GTF2I: variants seen among roughly 807,000 people sequenced by gnomAD.
GTF2I encodes general transcription factor II-I.
In GTF2I, 12 loss-of-function variants were observed where a neutral mutation model predicts 67.6. The observed-to-expected ratio is 0.18, with a 90% CI of 0.11 to 0.29. The LOEUF is 0.29. Among genes scored for constraint, GTF2I ranks in the 10% least tolerant of loss-of-function variants. The probability of loss-of-function intolerance (pLI) is 1.00; values close to 1 mark genes in which losing one functional copy is unlikely to be tolerated. For synonymous variants in GTF2I, 149 were observed against 197.0 expected, an observed-to-expected ratio of 0.76 and a Z score of 2.04; for missense variants, 271 against 580.1, an observed-to-expected ratio of 0.47 and a Z score of 5.47.
chr7:74,662,511 C>CTTTTTTTTTTT (rs1161320476), intron 1 of GTF2I, among the ~76,000 whole-genome samples: 975 of 50,210 alleles, frequency 0.019, 247 homozygotes, highest in Non-Finnish European at 0.023. Flanking sequence ...CACCTGGACC[C>CTTTTTTTTTTT]TTTTTTTTTT....
chr7:74,680,117 TGTATGTATGTATGTATATACAC>T, intron 1 of GTF2I, among the ~76,000 whole-genome samples: 1 of 113,996 alleles, frequency 8.8e-6, no homozygotes, highest in Non-Finnish European at 1.7e-5. Flanking sequence ...TATATATATA[TGTATGTATGTATGTATATACAC>T]ATATATATAT....
chr7:74,664,422 G>C (rs1554387774), intron 1 of GTF2I, among the ~76,000 whole-genome samples: 1 of 152,088 alleles, frequency 6.6e-6, no homozygotes, highest in Non-Finnish European at 1.5e-5. Context: ...TTCTCCTTTG[G>C]TTGTAACTTG....
chr7:74,705,024 A>G, intron 6 of GTF2I, 140 bp from the exon 7 acceptor site: 1 of 649,538 alleles, frequency 1.5e-6, no homozygotes, highest in South Asian at 1.8e-5. Flanking sequence ...GGGTGAAGGG[A>G]TGAAAAGCAG....
intron 1 of GTF2I, among the ~76,000 whole-genome samples, chr7:74,677,781 CAAAAA>C (rs67938540): frequency 5.5e-5 from 4 of 72,166 alleles, no homozygotes; most frequent in African/African-American, 2.4e-4. Flanking sequence ...GATTCTGTCT[CAAAAA>C]AAAAAAAAAA....
At position 74,699,908 on chromosome 7, in the gene GTF2I, G is replaced by T. The variant is rs1789503009; in HGVS notation, c.374-339G>T. Reference sequence around the variant, plus strand: ...GTATTTTATGGTAATAGTTGGATGTGCTGGGCTTCTGTATTCTGAGGCCAA... The same window carrying T: ...GTATTTTATGGTAATAGTTGGATGTTCTGGGCTTCTGTATTCTGAGGCCAA... On this transcript the variant is annotated intron_variant, in intron 4 of 34. Transcript: ENST00000573035. The T allele has an allele frequency of 1.4e-5, 3 of 217,412 alleles. No homozygotes were observed. The South Asian group carries it at 2.5e-4, about 18-fold the overall frequency. The allele number at this position is 217,412 out of a possible 1,614,324, so 13.5% of individuals were successfully genotyped here. A position where few individuals can be genotyped will look rare whatever the true frequency, so the allele number is the denominator to read the frequency against.
At chr7:74,718,980 T>C in intron 12 of GTF2I, 39 bp downstream of exon 12, 1 of 1,071,566 alleles carries the variant, frequency 9.3e-7, no homozygotes, top group Non-Finnish European at 1.4e-6. Context: ...AGTTTACTTC[T>C]GGTCATAAAA....
At chr7:74,731,256 G>A (rs1240014840) in intron 14 of GTF2I, among the ~76,000 whole-genome samples, 1 of 139,046 alleles carries the variant, frequency 7.2e-6, no homozygotes, top group Admixed American at 7.4e-5. Context: ...TAACTAGCAA[G>A]CGGTAAAATT....
intron 1 of GTF2I, among the ~76,000 whole-genome samples, chr7:74,681,440 TAAAAAA>T (rs1190807278): frequency 7.1e-6 from 1 of 140,580 alleles, no homozygotes; most frequent in Non-Finnish European, 1.6e-5. Context: ...GTCTCAAAAA[TAAAAAA>T]AAAGAAAAAA....
At chr7:74,710,119 A>G (rs1475657164) in intron 8 of GTF2I, among the ~76,000 whole-genome samples, 1 of 152,136 alleles carries the variant, frequency 6.6e-6, no homozygotes, top group African/African-American at 2.4e-5. Flanking sequence ...AAGGCAATGG[A>G]GTAACTCCTT....
chr7:74,672,296 C>G (rs1225705587), intron 1 of GTF2I, among the ~76,000 whole-genome samples: 3 of 151,956 alleles, frequency 2.0e-5, no homozygotes, highest in Non-Finnish European at 4.4e-5. Context: ...CCCAGCACTT[C>G]GGGAGGCTGA....
chr7:74,698,389 CTTTTTTTTTT>C (rs67968753), intron 3 of GTF2I, among the ~76,000 whole-genome samples: 1 of 55,890 alleles, frequency 1.8e-5, no homozygotes, highest in East Asian at 7.6e-4. Context: ...CGCACCTGGC[CTTTTTTTTTT>C]TTTTTTTTTT....
chr7:74,688,471 T>G (rs1265646443), intron 1 of GTF2I, among the ~76,000 whole-genome samples: 3 of 152,138 alleles, frequency 2.0e-5, no homozygotes, highest in Non-Finnish European at 4.4e-5. Flanking sequence ...GTTTTGTTTT[T>G]TTGAGACGGA....
At chr7:74,696,022 C>T (rs376695484) in intron 3 of GTF2I, among the ~76,000 whole-genome samples, 4 of 150,746 alleles carry the variant, frequency 2.7e-5, no homozygotes, top group Non-Finnish European at 4.4e-5. Context: ...TAAGGAGTCT[C>T]GCCCTGTCAC....
In GTF2I at chr7:74,678,470, A is replaced by G. The variant is rs76784332; in HGVS notation, c.-5-10654A>G. 2.5e-3 allele frequency among the ~76,000 whole-genome samples: 387 copies of G among 152,228 alleles called. 1 individual carries two copies. The highest frequency in any genetic ancestry group is 8.3e-3 in the African/African-American group (344 of 41,534). ...GAGTTTATCTCGCCTTCCTTAAGTAAAGGTGCAGTGTAGATCTTCATTGCT... is the reference window on the plus strand; with the variant it reads ...GAGTTTATCTCGCCTTCCTTAAGTAGAGGTGCAGTGTAGATCTTCATTGCT... On this transcript the variant is annotated intron_variant, in intron 1 of 34. Coordinates refer to ENST00000573035, the MANE Select transcript of GTF2I (RefSeq NM_032999.4).
chr7:74,706,469 T>A, intron 8 of GTF2I, 36 bp downstream of exon 8: 2 of 1,482,242 alleles, frequency 1.3e-6, no homozygotes, highest in Non-Finnish European at 1.9e-6. Flanking sequence ...ATGGTGAAAT[T>A]AAGGAAGACT....
At chr7:74,687,839 GTTTAATT>G (rs1352618464) in intron 1 of GTF2I, among the ~76,000 whole-genome samples, 8 of 151,990 alleles carry the variant, frequency 5.3e-5, no homozygotes, top group Admixed American at 5.3e-4. Flanking sequence ...TGTTTCCAGT[GTTTAATT>G]TTTAAATTTT....
intron 1 of GTF2I, among the ~76,000 whole-genome samples, chr7:74,686,444 T>C (rs782182882): frequency 1.1e-4 from 17 of 152,218 alleles, no homozygotes; most frequent in Non-Finnish European, 2.2e-4. Context: ...CTGACTGTGA[T>C]AGTGGCAATA....
At chr7:74,665,967 G>A (rs1156937475) in intron 1 of GTF2I, among the ~76,000 whole-genome samples, 2 of 152,194 alleles carry the variant, frequency 1.3e-5, no homozygotes, top group East Asian at 3.9e-4. Context: ...AGCTTCCCAA[G>A]TAGCTGGGAC....
rs146380720 is a variant in GTF2I, at chr7:74,657,836, C to A, written c.-238C>A. The A allele has an allele frequency of 5.3e-3, 806 of 152,166 alleles. 5 individuals carry two copies. Among genetic ancestry groups the A allele is most frequent in the East Asian group, 0.012 (61 of 5,174 alleles). The allele number at this position is 152,166 out of a possible 1,614,324, so 9.4% of individuals were successfully genotyped here. A position where few individuals can be genotyped will look rare whatever the true frequency, so the allele number is the denominator to read the frequency against. The stretch of plus-strand genomic sequence containing the variant: ...GGTCACCCCGGCCTCTGCCTCTGTC[C>A]CCCAGTGATCGGATCAAGGCGCTGA... On this transcript the variant is annotated 5_prime_UTR_variant, in exon 1 of 35. Transcript: ENST00000573035.
Sources: gnomAD v4.1 joint callset for allele counts (sites outside exome capture counted in the v4.1 genomes callset) on GRCh38, gnomAD v4.1.1 for gene constraint, MANE v1.5 for transcripts, NCBI Gene and HGNC (gene_info 2026-07-23, HGNC 2026-07-21) for gene names.